CDH13: variants seen among roughly 807,000 people sequenced by gnomAD.
The protein encoded by CDH13 is cadherin-13.
CDH13 carries 24 observed loss-of-function variants against 63.8 expected under a neutral mutation model. The observed-to-expected ratio is 0.38, with a 90% confidence interval of 0.27 to 0.53. The LOEUF (loss-of-function observed/expected upper bound fraction) is 0.53. Ranked by LOEUF, CDH13 falls within the 20% of genes least tolerant of loss-of-function variation. The pLI is 0.85. For missense variants in CDH13, 1,049 were observed against 903.1 expected, an observed-to-expected ratio of 1.16 and a Z score of -2.07; for synonymous variants, 503 against 355.3, an observed-to-expected ratio of 1.42 and a Z score of -4.67.
At chr16:83,228,326 C>T (rs1310693066) in intron 5 of CDH13, among the ~76,000 whole-genome samples, 1 of 152,210 alleles carries the variant, frequency 6.6e-6, no homozygotes, top group Non-Finnish European at 1.5e-5. Flanking sequence ...CTGCAGGCTC[C>T]TTGCATGGCG....
chr16:82,961,994 T>C (rs1907087690), intron 2 of CDH13, among the ~76,000 whole-genome samples: 1 of 152,116 alleles, frequency 6.6e-6, no homozygotes. Flanking sequence ...GAAACACCAG[T>C]TACCTGGATG....
At chr16:82,812,708 G>A (rs867316650) in intron 1 of CDH13, among the ~76,000 whole-genome samples, 1 of 152,222 alleles carries the variant, frequency 6.6e-6, no homozygotes, top group Middle Eastern at 3.4e-3. Flanking sequence ...GAAGTTTGGC[G>A]GCTAAAAAGG....
At chr16:83,179,800 A>C (rs2038275839) in intron 4 of CDH13, among the ~76,000 whole-genome samples, 1 of 152,218 alleles carries the variant, frequency 6.6e-6, no homozygotes, top group Non-Finnish European at 1.5e-5. Context: ...AGGATAAAAT[A>C]CAAATGACTT....
At chr16:83,235,927 A>T (rs974162943) in intron 5 of CDH13, among the ~76,000 whole-genome samples, 1 of 152,144 alleles carries the variant, frequency 6.6e-6, no homozygotes, top group African/African-American at 2.4e-5. Context: ...TTTCAAATGG[A>T]TATTGTGCTG....
chr16:83,468,782 C>G (rs1334430027), intron 6 of CDH13, among the ~76,000 whole-genome samples: 5 of 152,252 alleles, frequency 3.3e-5, no homozygotes, highest in Admixed American at 3.3e-4. Context: ...ATTTTAAGTT[C>G]TGGGATACGT....
At chr16:83,734,357 A>C (rs568955216) in intron 10 of CDH13, among the ~76,000 whole-genome samples, 6 of 152,306 alleles carry the variant, frequency 3.9e-5, no homozygotes, top group South Asian at 4.1e-4. Context: ...AGCCAAGGAA[A>C]TGGGAGGTCA....
At chr16:82,918,708 C>T (rs1345401945) in intron 2 of CDH13, among the ~76,000 whole-genome samples, 7 of 151,960 alleles carry the variant, frequency 4.6e-5, no homozygotes, top group Non-Finnish European at 8.8e-5. Context: ...AGGGTTTCAA[C>T]GTGTTGGCCA....
At chr16:82,718,226 A>G (rs1166359688) in intron 1 of CDH13, among the ~76,000 whole-genome samples, 1 of 152,136 alleles carries the variant, frequency 6.6e-6, no homozygotes, top group East Asian at 1.9e-4. Flanking sequence ...ACCACATCTC[A>G]TAGTTATCCC....
At chr16:83,777,773 T>G (rs1193839777) in intron 11 of CDH13, among the ~76,000 whole-genome samples, 4 of 152,210 alleles carry the variant, frequency 2.6e-5, no homozygotes, top group African/African-American at 7.2e-5. Flanking sequence ...CCGTGTAACC[T>G]GATAGCCTAA....
At chr16:83,776,590 T>C (rs1915128039) in intron 11 of CDH13, among the ~76,000 whole-genome samples, 1 of 152,236 alleles carries the variant, frequency 6.6e-6, no homozygotes, top group Non-Finnish European at 1.5e-5. Context: ...CTAAAGAGTA[T>C]CGGCTCGCAC....
intron 1 of CDH13, among the ~76,000 whole-genome samples, chr16:82,750,625 A>G (rs1262400719): frequency 1.3e-5 from 2 of 152,192 alleles, no homozygotes; most frequent in African/African-American, 4.8e-5. Context: ...GAGAAGGAAG[A>G]CCTTAAATAA....
intron 3 of CDH13, among the ~76,000 whole-genome samples, chr16:83,055,463 A>AGAAG (rs2030826959): frequency 6.6e-6 from 1 of 152,096 alleles, no homozygotes; most frequent in South Asian, 2.1e-4. Context: ...AGAAAAAAGA[A>AGAAG]GAAGGCATTG....
At chr16:82,967,400 C>T (rs1037597369) in intron 2 of CDH13, among the ~76,000 whole-genome samples, 3 of 152,198 alleles carry the variant, frequency 2.0e-5, no homozygotes, top group African/African-American at 7.2e-5. Context: ...AGGGTGTATG[C>T]TCCCTGGGGA....
At chr16:83,540,485 G>T (rs150961558) in intron 7 of CDH13, among the ~76,000 whole-genome samples, 277 of 152,210 alleles carry the variant, frequency 1.8e-3, no homozygotes, top group African/African-American at 6.3e-3. Context: ...AATACAAAGG[G>T]CTCTAGAAGC....
chr16:83,491,890 G>A (rs1002510724), intron 7 of CDH13, among the ~76,000 whole-genome samples: 3 of 152,120 alleles, frequency 2.0e-5, no homozygotes, highest in African/African-American at 7.2e-5. Flanking sequence ...ATGTAAAAAT[G>A]GAGAGAATTT....
At chr16:83,732,569 C>T (rs930909402) in intron 10 of CDH13, among the ~76,000 whole-genome samples, 3 of 152,202 alleles carry the variant, frequency 2.0e-5, no homozygotes, top group African/African-American at 7.2e-5. Flanking sequence ...TCTGTTTCTA[C>T]ACTAGTGCTA....
intron 5 of CDH13, among the ~76,000 whole-genome samples, chr16:83,266,138 A>G (rs1907593853): frequency 6.6e-6 from 1 of 151,870 alleles, no homozygotes; most frequent in Admixed American, 6.6e-5. Context: ...GGTTTTTACC[A>G]CATTGGCCAG....
intron 6 of CDH13, among the ~76,000 whole-genome samples, chr16:83,409,187 G>C (rs1050290016): frequency 6.6e-6 from 1 of 152,018 alleles, no homozygotes; most frequent in African/African-American, 2.4e-5. Context: ...CTGGAGCATC[G>C]TCCCACCAGG....
intron 5 of CDH13, among the ~76,000 whole-genome samples, chr16:83,260,494 C>T (rs1278933151): frequency 6.6e-6 from 1 of 152,180 alleles, no homozygotes; most frequent in Non-Finnish European, 1.5e-5. Context: ...GGAACCAGGA[C>T]ACTTGATTGC....
Sources: gnomAD v4.1 joint callset for allele counts (sites outside exome capture counted in the v4.1 genomes callset) on GRCh38, gnomAD v4.1.1 for gene constraint, MANE v1.5 for transcripts, NCBI Gene and HGNC (gene_info 2026-07-23, HGNC 2026-07-21) for gene names.